KLHL14: variants seen among roughly 807,000 people sequenced by gnomAD.
KLHL14 encodes kelch-like protein 14.
In KLHL14, 22 loss-of-function variants were observed where a neutral mutation model predicts 64.3. The observed-to-expected ratio is 0.34, with a 90% CI of 0.24 to 0.49. KLHL14 has a LOEUF of 0.49. KLHL14 is among the 20% of genes least tolerant of loss of function. KLHL14 has a pLI of 0.99. For missense variants in KLHL14, 661 were observed against 789.0 expected, an observed-to-expected ratio of 0.84 and a Z score of 1.94; for synonymous variants, 322 against 333.4, an observed-to-expected ratio of 0.97 and a Z score of 0.37.
At chr18:32,686,558 C>T (rs1468748614) in intron 5 of KLHL14, among the ~76,000 whole-genome samples, 4 of 151,936 alleles carry the variant, frequency 2.6e-5, no homozygotes, top group Non-Finnish European at 5.9e-5. Flanking sequence ...TGAGATGACA[C>T]GTTGCAAGAC....
chr18:32,725,020 CTT>C (rs33924704), intron 3 of KLHL14, among the ~76,000 whole-genome samples: 4 of 146,138 alleles, frequency 2.7e-5, no homozygotes, highest in Admixed American at 6.8e-5. Flanking sequence ...CCTCCCTTCC[CTT>C]TTTTTTTTTA....
rs571147734 is a variant in KLHL14, at chr18:32,689,751, C to T, written c.1160-2518G>A. ...GGGCAGAAACAATAATGGGGGAAGA[C>T]AGAATATATAAGTTGCAGTGGAAAT... On this transcript the variant is annotated intron_variant, in intron 4 of 8. Transcript: ENST00000359358. Among the ~76,000 whole-genome samples the T allele has an allele frequency of 1.3e-4, 20 of 152,170 alleles. No individual in the cohort carries two copies. In the East Asian group the frequency reaches 3.5e-3, roughly 26 times the overall value.
chr18:32,699,019 C>T (rs967115521), intron 3 of KLHL14, among the ~76,000 whole-genome samples: 1 of 152,126 alleles, frequency 6.6e-6, no homozygotes, highest in Admixed American at 6.6e-5. Context: ...TGTTAGCAAT[C>T]GTAACAAGCT....
At chr18:32,677,799 A>G (rs567491594) in intron 7 of KLHL14, among the ~76,000 whole-genome samples, 2 of 152,132 alleles carry the variant, frequency 1.3e-5, no homozygotes, top group East Asian at 1.9e-4. Flanking sequence ...AGACAGAGAA[A>G]GTCAATTACT....
rs1020159489 is a variant in KLHL14 at position 32,770,755 on chromosome 18, A to G, written c.-43-121T>C. Reference sequence around the variant, plus strand: ...GGGCGAAGAACAAGAATCAAGGCTCAGCTTGACTCCCTCCTGGCGCGCTCC... The same window carrying G: ...GGGCGAAGAACAAGAATCAAGGCTCGGCTTGACTCCCTCCTGGCGCGCTCC... On this transcript the variant is annotated intron_variant, in intron 1 of 8. Coordinates refer to ENST00000359358, the MANE Select transcript of KLHL14 (RefSeq NM_020805.3). This position sits in a 1 kb window ranked among gnomAD's most constrained non-coding sequence, Gnocchi z 6.7. 2.3e-5 allele frequency: 14 copies of G among 611,604 alleles called. No homozygotes were observed. Among genetic ancestry groups the G allele is most frequent in the Non-Finnish European group, 3.3e-5 (13 of 388,910 alleles). 37.9% of individuals were successfully genotyped at this position (611,604 alleles called of 1,614,324 possible). A position where few individuals can be genotyped will look rare whatever the true frequency, so the allele number is the denominator to read the frequency against.
intron 2 of KLHL14, among the ~76,000 whole-genome samples, chr18:32,754,590 C>G (rs967948175): frequency 2.0e-5 from 3 of 152,188 alleles, no homozygotes; most frequent in Non-Finnish European, 2.9e-5. Context: ...AGAGGGACAA[C>G]AGCCTCCCGA....
At chr18:32,735,667 T>A (rs1020156407) in intron 3 of KLHL14, among the ~76,000 whole-genome samples, 1 of 152,182 alleles carries the variant, frequency 6.6e-6, no homozygotes, top group Non-Finnish European at 1.5e-5. Flanking sequence ...GACTCTCCAC[T>A]GCCAGATCTT....
intron 3 of KLHL14, among the ~76,000 whole-genome samples, chr18:32,721,141 C>A (rs778601118): frequency 6.6e-6 from 1 of 152,154 alleles, no homozygotes; most frequent in African/African-American, 2.4e-5. Flanking sequence ...TGAGGCTGGC[C>A]GTTTTTGAGC....
chr18:32,732,392 A>C (rs2050141226), intron 3 of KLHL14, among the ~76,000 whole-genome samples: 1 of 152,256 alleles, frequency 6.6e-6, no homozygotes, highest in African/African-American at 2.4e-5. Flanking sequence ...TGACAAGAAG[A>C]GTGAAACAAG....
chr18:32,710,685 G>A (rs1004556399), intron 3 of KLHL14, among the ~76,000 whole-genome samples: 1 of 152,162 alleles, frequency 6.6e-6, no homozygotes, highest in Non-Finnish European at 1.5e-5. Context: ...AGAAAAAGAT[G>A]AGGCATGAGA....
chr18:32,707,550 T>C (rs111749173), intron 3 of KLHL14, among the ~76,000 whole-genome samples: 6 of 152,240 alleles, frequency 3.9e-5, no homozygotes, highest in African/African-American at 1.4e-4. Context: ...ATAAACAATG[T>C]GATTTATGCT....
At chr18:32,748,422 C>T (rs571893368) in intron 2 of KLHL14, among the ~76,000 whole-genome samples, 29 of 151,562 alleles carry the variant, frequency 1.9e-4, no homozygotes, top group African/African-American at 6.3e-4. Context: ...GAGGCTGGAG[C>T]GCAGTGGCGC....
chr18:32,759,626 T>C (rs1206683609), intron 2 of KLHL14, among the ~76,000 whole-genome samples: 1 of 152,176 alleles, frequency 6.6e-6, no homozygotes, highest in Non-Finnish European at 1.5e-5. Flanking sequence ...AGATTTAAAC[T>C]AGCATTTGTC....
intron 3 of KLHL14, among the ~76,000 whole-genome samples, chr18:32,734,870 C>G (rs144989637): frequency 4.6e-5 from 7 of 150,940 alleles, no homozygotes; most frequent in African/African-American, 1.7e-4. Flanking sequence ...CTATCTGTCT[C>G]TAAAGATGTT....
At chr18:32,682,013 T>C (rs774566749) in intron 5 of KLHL14, among the ~76,000 whole-genome samples, 3 of 152,178 alleles carry the variant, frequency 2.0e-5, no homozygotes, top group Non-Finnish European at 2.9e-5. Context: ...TATAAGTGCT[T>C]GTCATAGTGT....
At chr18:32,741,850 C>A in intron 3 of KLHL14, 78 bp downstream of exon 3, 3 of 1,356,140 alleles carry the variant, frequency 2.2e-6, no homozygotes, top group South Asian at 1.5e-5. Flanking sequence ...TTTGATTAAC[C>A]ATGTTTTCAA....
intron 7 of KLHL14, 27 bp from the exon 8 acceptor site, chr18:32,677,357 CAA>C (rs767220422): frequency 1.1e-5 from 17 of 1,588,700 alleles, no homozygotes; most frequent in Non-Finnish European, 1.5e-5. Context: ...AGTGGAACAA[CAA>C]AATGATAAAT....
At chr18:32,736,612 C>T (rs1415489641) in intron 3 of KLHL14, among the ~76,000 whole-genome samples, 3 of 152,008 alleles carry the variant, frequency 2.0e-5, no homozygotes, top group Non-Finnish European at 4.4e-5. Context: ...AAATAGTCTC[C>T]ATGTGATATG....
intron 3 of KLHL14, among the ~76,000 whole-genome samples, chr18:32,703,747 T>C (rs891792775): frequency 1.3e-5 from 2 of 152,234 alleles, no homozygotes; most frequent in Admixed American, 1.3e-4. Context: ...TTCACTAATA[T>C]ATTCCTAAAT....
Sources: allele counts gnomAD v4.1 joint callset (sites outside exome capture counted in the v4.1 genomes callset), GRCh38; gene constraint gnomAD v4.1.1; non-coding constraint Gnocchi (gnomAD v3.1); transcripts MANE v1.5; gene names NCBI Gene and HGNC (gene_info 2026-07-23, HGNC 2026-07-21).